Variants in RAB21 observed in about 807,000 individuals in gnomAD.
The protein encoded by RAB21 is RAB21, member RAS oncogene family.
RAB21 carries 13 observed loss-of-function variants against 33.1 expected under a neutral mutation model. The ratio of observed to expected loss-of-function variants is 0.39; its 90% CI spans 0.26 to 0.62. RAB21 has a LOEUF of 0.62. RAB21 is among the 20% of genes least tolerant of loss of function. The probability of loss-of-function intolerance (pLI) is 0.48; values close to 1 mark genes in which losing one functional copy is unlikely to be tolerated. For synonymous variants in RAB21, 91 were observed against 103.7 expected (o/e 0.88, Z 0.74); for missense variants, 234 against 279.1 (o/e 0.84, Z 1.15).
In RAB21 at chr12:71,799,099, A is replaced by T. The variant is rs1883504516; in HGVS notation, c.*13426A>T. On this transcript the variant is annotated 3_prime_UTR_variant, in exon 7 of 7. Transcript: ENST00000261263. ...ATGGATAGGCTGTGGTGGTGGCAGC[A>T]GCTTCTTAATCTGACATTCCAACCC... is the stretch of plus-strand genomic sequence containing the variant. 3 of 152,434 alleles carry T rather than the reference A, an allele frequency of 2.0e-5. No homozygotes were observed. In the East Asian group the frequency reaches 5.8e-4, roughly 29 times the overall value. 9.4% of individuals were successfully genotyped at this position (152,434 alleles called of 1,614,324 possible).
Position 71,788,488 on chromosome 12 carries a change from G to A in RAB21, c.*2815G>A, listed in dbSNP as rs1289064344. ...GGAATAGAGTAATGAAAGAGGACCAGTCAACTTCAGTATATATACAAAGGA... is the reference window on the plus strand; with the variant it reads ...GGAATAGAGTAATGAAAGAGGACCAATCAACTTCAGTATATATACAAAGGA... On this transcript the variant is annotated 3_prime_UTR_variant, in exon 7 of 7. Transcript: ENST00000261263. 2.0e-5 allele frequency: 3 copies of A among 152,156 alleles called. No individual in the cohort carries two copies. The highest frequency in any genetic ancestry group is 6.5e-5 in the Admixed American group (1 of 15,282). 9.4% of individuals were successfully genotyped at this position (152,156 alleles called of 1,614,324 possible). A position where few individuals can be genotyped will look rare whatever the true frequency, so the allele number is the denominator to read the frequency against.
At position 71,785,694 on chromosome 12, in the gene RAB21, A is replaced by C; in HGVS notation, c.*21A>C. The C allele has an allele frequency of 1.2e-6, 2 of 1,613,812 alleles. No individual in the cohort carries two copies. Among genetic ancestry groups the C allele is most frequent in the East Asian group, 4.5e-5 (2 of 44,860 alleles). ...GATAACTGTTCACGCCTAAGAAATT[A>C]AAAGACAGAACAAAACTGTGGATCA... is the stretch of plus-strand genomic sequence containing the variant. On this transcript the variant is annotated 3_prime_UTR_variant, in exon 7 of 7. Coordinates refer to ENST00000261263, the MANE Select transcript of RAB21 (RefSeq NM_014999.4).
chr12:71,773,897 G>A, intron 3 of RAB21, 62 bp from the exon 4 acceptor site: 1 of 1,160,412 alleles, frequency 8.6e-7, no homozygotes, highest in Non-Finnish European at 1.3e-6. Flanking sequence ...AGTTTTTTGG[G>A]TGTTGTGATA....
chr12:71,764,500 GT>G (rs1190778623), intron 1 of RAB21, among the ~76,000 whole-genome samples: 2 of 151,994 alleles, frequency 1.3e-5, no homozygotes, highest in Non-Finnish European at 2.9e-5. Flanking sequence ...GGGTATAGGT[GT>G]TTTTTTGCTA....
Position 71,769,877 on chromosome 12 carries a change from A to G in RAB21, c.219+18A>G, listed in dbSNP as rs147862360. 10,544 of 1,305,052 alleles carry G rather than the reference A, an allele frequency of 8.1e-3. 49 individuals carry two copies. The highest frequency in any genetic ancestry group is 9.5e-3 in the Non-Finnish European group (9,357 of 986,482). The allele number at this position is 1,305,052 out of a possible 1,614,324, so 80.8% of individuals were successfully genotyped here. A position where few individuals can be genotyped will look rare whatever the true frequency, so the allele number is the denominator to read the frequency against. Reference sequence around the variant, plus strand: ...CCATATGGGTAAGTGAACTTTTTCAACTATTATGCGTGGAGGCTTCTTCCT... The same window carrying G: ...CCATATGGGTAAGTGAACTTTTTCAGCTATTATGCGTGGAGGCTTCTTCCT... On this transcript the variant is annotated intron_variant, in intron 2 of 6. Transcript: ENST00000261263.
chr12:71,763,069 G>A (rs1882901750), intron 1 of RAB21, among the ~76,000 whole-genome samples: 3 of 149,582 alleles, frequency 2.0e-5, no homozygotes, highest in Non-Finnish European at 4.4e-5. Flanking sequence ...CTGCACCAGT[G>A]TTAGCAACTA....
In RAB21 at chr12:71,799,594, T is replaced by C. The variant is rs1883511309; in HGVS notation, c.*13921T>C. ...GTAGGGGAATAGTAAAATCAATTAC[T>C]ATGCATGCATATAATAAAATTTTAG... On this transcript the variant is annotated 3_prime_UTR_variant, in exon 7 of 7. Transcript: ENST00000261263. 6.6e-6 allele frequency: 1 copy of C among 152,178 alleles called. No homozygotes were observed. The highest frequency in any genetic ancestry group is 1.5e-5 in the Non-Finnish European group (1 of 68,040). The allele number at this position is 152,178 out of a possible 1,614,324, so 9.4% of individuals were successfully genotyped here.
intron 4 of RAB21, among the ~76,000 whole-genome samples, chr12:71,778,091 G>A (rs1883147189): frequency 6.6e-6 from 1 of 152,102 alleles, no homozygotes; most frequent in African/African-American, 2.4e-5. Flanking sequence ...GAATCTTTAT[G>A]TTTGATATAC....
At chr12:71,756,666 ATTG>A (rs1176489688) in intron 1 of RAB21, among the ~76,000 whole-genome samples, 1 of 152,220 alleles carries the variant, frequency 6.6e-6, no homozygotes, top group Non-Finnish European at 1.5e-5. Flanking sequence ...TTAATAATGA[ATTG>A]TTATTGTTCA....
Position 71,796,632 on chromosome 12 carries a change from T to G in RAB21, c.*10959T>G, listed in dbSNP as rs1883466794. 7.3e-6 allele frequency: 1 copy of G among 137,026 alleles called. No homozygotes were observed. The highest frequency in any genetic ancestry group is 2.6e-4 in the South Asian group (1 of 3,838). The allele number at this position is 137,026 out of a possible 1,614,324, so 8.5% of individuals were successfully genotyped here. On this transcript the variant is annotated 3_prime_UTR_variant, in exon 7 of 7. Coordinates refer to ENST00000261263, the MANE Select transcript of RAB21 (RefSeq NM_014999.4). ...CTTCTATTTCAGTGATTGGTTTGGA[T>G]CTACTTAATTTTAAGCTTTACTGGT...
chr12:71,785,043 T>C (rs1399204245), intron 6 of RAB21, among the ~76,000 whole-genome samples: 1 of 152,048 alleles, frequency 6.6e-6, no homozygotes, highest in African/African-American at 2.4e-5. Context: ...AGTGAGTAAG[T>C]GATGATCACA....
intron 1 of RAB21, among the ~76,000 whole-genome samples, chr12:71,761,964 A>G (rs572993688): frequency 1.3e-5 from 2 of 152,332 alleles, no homozygotes; most frequent in South Asian, 4.1e-4. Context: ...CTTGAAAACC[A>G]TATTACTGTT....
chr12:71,799,722 C>T lies in RAB21; in HGVS notation c.*14049C>T, dbSNP rs897339769. On this transcript the variant is annotated 3_prime_UTR_variant, in exon 7 of 7. Transcript: ENST00000261263. ...AAGCCAGGGCAGAACAGTCTGTATA[C>T]TGTATATTTTAAAATTGAACAAGTA... 1.3e-5 allele frequency: 2 copies of T among 152,122 alleles called. No individual in the cohort carries two copies. The highest frequency in any genetic ancestry group is 2.4e-5 in the African/African-American group (1 of 41,424). The allele number at this position is 152,122 out of a possible 1,614,324, so 9.4% of individuals were successfully genotyped here.
At chr12:71,775,586 G>T (rs545760696) in intron 4 of RAB21, among the ~76,000 whole-genome samples, 1 of 152,214 alleles carries the variant, frequency 6.6e-6, no homozygotes, top group Middle Eastern at 3.4e-3. Context: ...ACCCAGGCTG[G>T]AATGCAGTGG....
chr12:71,759,128 C>G (rs755878093), intron 1 of RAB21, among the ~76,000 whole-genome samples: 2 of 152,128 alleles, frequency 1.3e-5, no homozygotes, highest in South Asian at 4.1e-4. Flanking sequence ...TATACTTGAC[C>G]CATTAAGGTT....
chr12:71,769,862 A>C lies in RAB21; in HGVS notation c.219+3A>C. The C allele has an allele frequency of 7.4e-7, 1 of 1,352,980 alleles. No individual in the cohort carries two copies. The highest frequency in any genetic ancestry group is 9.7e-7 in the Non-Finnish European group (1 of 1,025,758). The allele number at this position is 1,352,980 out of a possible 1,614,324, so 83.8% of individuals were successfully genotyped here. A position where few individuals can be genotyped will look rare whatever the true frequency, so the allele number is the denominator to read the frequency against. On this transcript the variant is annotated splice_donor_region_variant and intron_variant, in intron 2 of 6. Transcript: ENST00000261263. ...AAAGAGTAAACCTTGCCATATGGGT[A>C]AGTGAACTTTTTCAACTATTATGCG... is the stretch of plus-strand genomic sequence containing the variant.
Position 71,785,879 on chromosome 12 carries a change from GTTTTTTTTTGT to G in RAB21, c.*226_*236del, listed in dbSNP as rs1301987896. 1.1e-4 allele frequency: 44 copies of G among 398,238 alleles called. No individual in the cohort carries two copies. The highest frequency in any genetic ancestry group is 1.6e-4 in the Non-Finnish European group (37 of 236,880). The allele number at this position is 398,238 out of a possible 1,614,324, so 24.7% of individuals were successfully genotyped here. On this transcript the variant is annotated 3_prime_UTR_variant, in exon 7 of 7. Transcript: ENST00000261263. ...CAGAGAATTGGCATTTTCTACAAAT[GTTTTTTTTTGT>G]TTTTTTTTTGTTTTTTTTTGTTTTT...
At chr12:71,768,963 G>C (rs900801285) in intron 1 of RAB21, among the ~76,000 whole-genome samples, 1 of 152,072 alleles carries the variant, frequency 6.6e-6, no homozygotes, top group Non-Finnish European at 1.5e-5. Context: ...ATACATGTCT[G>C]GTGTCTTAGA....
At chr12:71,774,955 A>G (rs1031322041) in intron 4 of RAB21, among the ~76,000 whole-genome samples, 10 of 152,084 alleles carry the variant, frequency 6.6e-5, no homozygotes, top group African/African-American at 1.4e-4. Context: ...TTTAAAATAA[A>G]ATTAAGGAAA....
Sources: allele counts gnomAD v4.1 joint callset (sites outside exome capture counted in the v4.1 genomes callset), GRCh38; gene constraint gnomAD v4.1.1; transcripts MANE v1.5; gene names NCBI Gene and HGNC (gene_info 2026-07-23, HGNC 2026-07-21).